The following CREBRF variants were observed in gnomAD, a reference collection of about 807,000 sequenced individuals.
CREBRF encodes UPF0474 protein C5orf41.
Under a neutral mutation model 66.1 loss-of-function variants are expected in CREBRF, and 5 were observed. That is an observed-to-expected ratio of 0.08 (90% CI 0.04 to 0.16). CREBRF has a LOEUF of 0.16. CREBRF is among the 10% of genes least tolerant of loss of function. CREBRF has a pLI of 1.00. For synonymous variants in CREBRF, 229 were observed against 264.4 expected (o/e 0.87, Z 1.30); for missense variants, 531 against 744.9 (o/e 0.71, Z 3.34).
Position 173,134,439 on chromosome 5 carries a change from G to A in CREBRF, c.*694G>A, listed in dbSNP as rs570272320. 3 of 259,750 alleles carry A rather than the reference G, an allele frequency of 1.2e-5. No individual in the cohort carries two copies. The highest frequency in any genetic ancestry group is 1.0e-4 in the Admixed American group (2 of 19,350). The allele number at this position is 259,750 out of a possible 1,614,324, so 16.1% of individuals were successfully genotyped here. A position where few individuals can be genotyped will look rare whatever the true frequency, so the allele number is the denominator to read the frequency against. On this transcript the variant is annotated 3_prime_UTR_variant, in exon 9 of 9. Coordinates refer to ENST00000296953, the MANE Select transcript of CREBRF (RefSeq NM_153607.3). ...AAGATATATAGATGGAAAAATTATGGGGTTTAAATGTTTTTTTGTTCCAAC... is the reference window on the plus strand; with the variant it reads ...AAGATATATAGATGGAAAAATTATGAGGTTTAAATGTTTTTTTGTTCCAAC...
chr5:173,058,062 C>G (rs1454797276), intron 1 of CREBRF, among the ~76,000 whole-genome samples: 2 of 149,380 alleles, frequency 1.3e-5, no homozygotes, highest in Non-Finnish European at 3.0e-5. Context: ...AAGCAGAAAA[C>G]AAGACTTGGG....
At chr5:173,082,838 G>T (rs1757999362) in intron 2 of CREBRF, among the ~76,000 whole-genome samples, 1 of 139,312 alleles carries the variant, frequency 7.2e-6, no homozygotes, top group Admixed American at 8.1e-5. Flanking sequence ...GAACCCTGCG[G>T]GGGGAGGTTG....
chr5:173,075,837 C>G (rs1757745497), intron 1 of CREBRF, among the ~76,000 whole-genome samples: 1 of 151,976 alleles, frequency 6.6e-6, no homozygotes, highest in African/African-American at 2.4e-5. Context: ...TGCCCTCCTG[C>G]CTACTTCCCT....
chr5:173,084,383 C>T (rs1166464406), intron 2 of CREBRF, among the ~76,000 whole-genome samples: 1 of 152,188 alleles, frequency 6.6e-6, no homozygotes, highest in East Asian at 1.9e-4. Context: ...CAGGGAACAG[C>T]TTCAACAATT....
rs1759587352 is a variant in CREBRF, at chr5:173,136,327, T to C, written c.*2582T>C. 1 of 152,494 alleles carries C rather than the reference T, an allele frequency of 6.6e-6. No individual in the cohort carries two copies. The highest frequency in any genetic ancestry group is 2.4e-5 in the African/African-American group (1 of 41,444). 9.4% of individuals were successfully genotyped at this position (152,494 alleles called of 1,614,324 possible). ...AGTTAAATAGTTAAAAGCTTTTAAA[T>C]AGTTGAGCTTTTTAATGTTGACACT... On this transcript the variant is annotated 3_prime_UTR_variant, in exon 9 of 9. Transcript: ENST00000296953.
intron 8 of CREBRF, among the ~76,000 whole-genome samples, chr5:173,127,514 C>T (rs1759305636): frequency 6.7e-6 from 1 of 148,576 alleles, no homozygotes; most frequent in Admixed American, 6.8e-5. Flanking sequence ...GGATAGAGTG[C>T]AGTTGCACGA....
intron 7 of CREBRF, among the ~76,000 whole-genome samples, chr5:173,118,663 G>A (rs572606675): frequency 2.0e-5 from 3 of 151,696 alleles, no homozygotes; most frequent in South Asian, 2.1e-4. Flanking sequence ...CATATTTATG[G>A]GTTTACTTCT....
intron 4 of CREBRF, among the ~76,000 whole-genome samples, chr5:173,106,993 G>A (rs1304507625): frequency 3.9e-5 from 6 of 152,040 alleles, no homozygotes; most frequent in East Asian, 3.9e-4. Flanking sequence ...CAGGTGATCC[G>A]CCCACCTTGG....
At chr5:173,097,072 G>A (rs1415551301) in intron 4 of CREBRF, among the ~76,000 whole-genome samples, 1 of 151,970 alleles carries the variant, frequency 6.6e-6, no homozygotes, top group East Asian at 1.9e-4. Context: ...TTCTTACCTC[G>A]TGTGTTCTTG....
intron 4 of CREBRF, among the ~76,000 whole-genome samples, chr5:173,101,017 T>G (rs915846560): frequency 1.1e-4 from 16 of 152,158 alleles, no homozygotes; most frequent in South Asian, 2.1e-4. Flanking sequence ...TTTTCATTTG[T>G]GAAGGACAGC....
chr5:173,063,787 A>G (rs1333551841), intron 1 of CREBRF, among the ~76,000 whole-genome samples: 1 of 151,440 alleles, frequency 6.6e-6, no homozygotes, highest in African/African-American at 2.4e-5. Flanking sequence ...CAGTGGTGTA[A>G]TCTCTGCCCC....
In CREBRF at chr5:173,137,962, A is replaced by G. The variant is rs868275490; in HGVS notation, c.*4217A>G. On this transcript the variant is annotated 3_prime_UTR_variant, in exon 9 of 9. Coordinates refer to ENST00000296953, the MANE Select transcript of CREBRF (RefSeq NM_153607.3). ...TGTAACAGAATGTTAGCATCTCTCC[A>G]TATCTTGAAACTTGAATTTTGAGAA... The G allele has an allele frequency of 8.5e-5, 13 of 152,276 alleles. No individual in the cohort carries two copies. Among genetic ancestry groups the G allele is most frequent in the African/African-American group, 2.9e-4 (12 of 41,572 alleles). 9.4% of individuals were successfully genotyped at this position (152,276 alleles called of 1,614,324 possible).
chr5:173,079,572 A>G (rs1757870484), intron 1 of CREBRF, among the ~76,000 whole-genome samples: 1 of 152,100 alleles, frequency 6.6e-6, no homozygotes, highest in Non-Finnish European at 1.5e-5. Context: ...TTGACTGTTT[A>G]CCAATATAAG....
At position 173,091,435 on chromosome 5, in the gene CREBRF, C is replaced by T. The variant is rs766276611; in HGVS notation, c.1222+34C>T. On this transcript the variant is annotated intron_variant, in intron 4 of 8. Transcript: ENST00000296953. ...ATGCTTGCAAGCTTACCAGACTGAC[C>T]TTTGTATTACTATTTTGAAATAGAA... The T allele has an allele frequency of 1.6e-5, 25 of 1,582,824 alleles. No individual in the cohort carries two copies. In the South Asian group the frequency reaches 1.8e-4, roughly 12 times the overall value.
intron 7 of CREBRF, among the ~76,000 whole-genome samples, chr5:173,121,569 G>A (rs774391938): frequency 2.6e-5 from 4 of 152,002 alleles, no homozygotes; most frequent in Admixed American, 6.6e-5. Context: ...TGATCCGCCC[G>A]CCTTGGCCTC....
intron 7 of CREBRF, among the ~76,000 whole-genome samples, chr5:173,120,212 G>C (rs1319426538): frequency 1.3e-5 from 2 of 151,938 alleles, no homozygotes; most frequent in African/African-American, 4.8e-5. Flanking sequence ...GTTTGACAAA[G>C]TTTTATAAGA....
At chr5:173,083,044 T>C (rs1758014479) in intron 2 of CREBRF, among the ~76,000 whole-genome samples, 1 of 141,872 alleles carries the variant, frequency 7.0e-6, no homozygotes, top group South Asian at 2.3e-4. Context: ...GGCCAACATA[T>C]AGTGAAACCC....
chr5:173,067,308 G>C (rs562006538), intron 1 of CREBRF, among the ~76,000 whole-genome samples: 35 of 152,322 alleles, frequency 2.3e-4, no homozygotes, highest in African/African-American at 8.4e-4. Flanking sequence ...TTGAGTTGCA[G>C]AGCTGTCAAG....
Position 173,070,310 on chromosome 5 carries a change from C to T in CREBRF, c.-191-10275C>T, listed in dbSNP as rs374090610. Among the ~76,000 whole-genome samples the T allele has an allele frequency of 3.3e-5, 5 of 152,284 alleles. No homozygotes were observed. In the East Asian group the frequency reaches 5.8e-4, roughly 18 times the overall value. ...ATCCTGCTGTGTGCTCCAGTGCATTCTCACTTGCACCACTGCCTGTTTTTA... is the reference window on the plus strand; with the variant it reads ...ATCCTGCTGTGTGCTCCAGTGCATTTTCACTTGCACCACTGCCTGTTTTTA... On this transcript the variant is annotated intron_variant, in intron 1 of 8. Transcript: ENST00000296953.
Sources: gnomAD v4.1 joint callset for allele counts (sites outside exome capture counted in the v4.1 genomes callset) on GRCh38, gnomAD v4.1.1 for gene constraint, MANE v1.5 for transcripts, NCBI Gene and HGNC (gene_info 2026-07-23, HGNC 2026-07-21) for gene names.